Variants in MX2 observed in about 807,000 individuals in gnomAD.
MX2 encodes interferon-induced GTP-binding protein Mx2.
MX2 carries 51 observed loss-of-function variants against 74.0 expected under a neutral mutation model. That is an observed-to-expected ratio of 0.69 (90% CI 0.55 to 0.87). MX2 has a LOEUF of 0.87. Among genes scored for constraint, MX2 ranks in the 40% least tolerant of loss-of-function variants. MX2 has a pLI of 0.00. For missense variants in MX2, 832 were observed against 908.7 expected, an observed-to-expected ratio of 0.92 and a Z score of 1.09; for synonymous variants, 369 against 339.3, an observed-to-expected ratio of 1.09 and a Z score of -0.96.
chr21:41,374,936 C>T (rs2089379634), intron 1 of MX2, among the ~76,000 whole-genome samples: 2 of 152,358 alleles, frequency 1.3e-5, no homozygotes, highest in African/African-American at 4.8e-5. Context: ...CCCTCACACC[C>T]ACACACAATG....
At chr21:41,393,711 T>TG (rs34956736) in intron 6 of MX2, among the ~76,000 whole-genome samples, 18,804 of 152,128 alleles carry the variant, frequency 0.12, 1,954 homozygotes, top group African/African-American at 0.28. Context: ...CCCATCTACA[T>TG]GCCAGTGACT....
chr21:41,395,206 G>T (rs369908), intron 6 of MX2, among the ~76,000 whole-genome samples: 2 of 151,744 alleles, frequency 1.3e-5, no homozygotes, highest in African/African-American at 4.8e-5. Flanking sequence ...AAGAGGGAGC[G>T]GAGTGAGTCT....
chr21:41,376,880 C>T lies in MX2; in HGVS notation c.-27C>T, dbSNP rs1323028091. 6.2e-7 allele frequency: 1 copy of T among 1,609,142 alleles called. No homozygotes were observed. Among genetic ancestry groups the T allele is most frequent in the African/African-American group, 1.3e-5 (1 of 74,732 alleles). On this transcript the variant is annotated 5_prime_UTR_variant, in exon 2 of 14. Coordinates refer to ENST00000330714, the MANE Select transcript of MX2 (RefSeq NM_002463.2). ...AGGTGCCAAGTAGCAGAGAAAGCAT[C>T]CCCCAGCTCTGACAGGGAGACAGCA...
Position 41,382,544 on chromosome 21 carries a change from C to T in MX2, c.712C>T (p.Pro238Ser). 1 of 1,614,184 alleles carries T rather than the reference C, an allele frequency of 6.2e-7. No homozygotes were observed. The highest frequency in any genetic ancestry group is 8.5e-7 in the Non-Finnish European group (1 of 1,180,052). Residue 238 changes from proline (P) to serine (S), a missense_variant, in exon 5 of 14, where the codon CCC (proline) becomes TCC (serine). By Grantham distance (74) the Pro-to-Ser change is moderately conservative. Coordinates refer to ENST00000330714, the MANE Select transcript of MX2 (RefSeq NM_002463.2). ...CACCAGGGTGGCTGTGGACAACCAG[C>T]CCCGAGACATCGGACTGCAGGTGAG... ...GITRVAVDNQPRDIGLQIKAL... is the reference protein window; with the variant it reads ...GITRVAVDNQSRDIGLQIKAL...
Position 41,408,072 on chromosome 21 carries a change from A to G in MX2, c.1987A>G (p.Lys663Glu). The change falls in exon 14 of 14, where the codon AAA (lysine) becomes GAA (glutamate). Residue 663 changes from lysine to glutamate, a missense_variant. Coordinates refer to ENST00000330714, the MANE Select transcript of MX2 (RefSeq NM_002463.2). Reference protein sequence around the residue: ...MLRENGDSLQKAMMQILQEKN... With the variant: ...MLRENGDSLQEAMMQILQEKN... ...CCGAGAGAATGGTGACTCCTTGCAG[A>G]AAGCCATGATGCAGATACTACAGGA... 1.2e-6 allele frequency: 2 copies of G among 1,614,232 alleles called. No individual in the cohort carries two copies. Among genetic ancestry groups the G allele is most frequent in the Non-Finnish European group, 1.7e-6 (2 of 1,180,048 alleles).
At chr21:41,378,115 G>GCTGGGAAAGAC in intron 3 of MX2, 134 bp downstream of exon 3, 1 of 1,147,472 alleles carries the variant, frequency 8.7e-7, no homozygotes, top group Non-Finnish European at 1.2e-6. Context: ...CGCTGGGAGA[G>GCTGGGAAAGAC]AGGCCGCTGA....
rs979456855 is a variant in MX2, at chr21:41,388,868, A to G, written c.733-1697A>G. Among the ~76,000 whole-genome samples, 3 of 152,260 alleles carry G rather than the reference A, an allele frequency of 2.0e-5. No homozygotes were observed. The highest frequency in any genetic ancestry group is 6.5e-5 in the Admixed American group (1 of 15,292). ...TCTTTTTGCTTGTCATAACTCAGGT[A>G]AGGGGTAGGGTTTGCTAGTGGTTTG... is the stretch of plus-strand genomic sequence containing the variant. On this transcript the variant is annotated intron_variant, in intron 5 of 13. Transcript: ENST00000330714. The surrounding 1 kb of genome is among the most constrained non-coding windows in gnomAD (Gnocchi z 4.0).
intron 3 of MX2, among the ~76,000 whole-genome samples, 187 bp downstream of exon 3, chr21:41,378,168 C>CTG: frequency 5.0e-5 from 7 of 141,264 alleles, no homozygotes; most frequent in Admixed American, 1.4e-4. Flanking sequence ...GGGAGACAGG[C>CTG]CTCTGGGAGA....
At chr21:41,399,493 C>G (rs1038974650) in intron 10 of MX2, 156 bp downstream of exon 10, 52 of 764,844 alleles carry the variant, frequency 6.8e-5, no homozygotes, top group Non-Finnish European at 9.6e-5. Context: ...GAACAAAACC[C>G]AGAAATATGG....
chr21:41,405,629 G>A (rs898683022), intron 12 of MX2, among the ~76,000 whole-genome samples: 4 of 151,870 alleles, frequency 2.6e-5, no homozygotes, highest in African/African-American at 9.7e-5. Context: ...TTGGGGGGCA[G>A]GGGACACAAA....
At chr21:41,372,528 AT>A (rs369324238) in intron 1 of MX2, among the ~76,000 whole-genome samples, 15 of 151,430 alleles carry the variant, frequency 9.9e-5, no homozygotes, top group East Asian at 1.9e-4. Flanking sequence ...ATTTAAAGCT[AT>A]TTTTTTTTAA....
chr21:41,394,095 G>A lies in MX2; in HGVS notation c.872-1492G>A, dbSNP rs551327942. Among the ~76,000 whole-genome samples the A allele has an allele frequency of 3.2e-4, 48 of 152,238 alleles. 1 individual carries two copies. In the South Asian group the frequency reaches 4.8e-3, roughly 15 times the overall value. On this transcript the variant is annotated intron_variant, in intron 6 of 13. Coordinates refer to ENST00000330714, the MANE Select transcript of MX2 (RefSeq NM_002463.2). ...CTGCTCAAACATTCTCCTGCTGTTC[G>A]AGCACTCACCTTGCCCATGGCAGTG...
At chr21:41,403,228 T>G in intron 11 of MX2, 39 bp from the exon 12 acceptor site, 1 of 1,470,478 alleles carries the variant, frequency 6.8e-7, no homozygotes, top group Non-Finnish European at 9.5e-7. Flanking sequence ...ATTTTACTGA[T>G]GTTTTCTTCT....
chr21:41,386,153 G>A (rs767590217), intron 5 of MX2, among the ~76,000 whole-genome samples: 2 of 145,574 alleles, frequency 1.4e-5, no homozygotes, highest in Non-Finnish European at 3.0e-5. Flanking sequence ...CCGGGAGGCG[G>A]AGCTTGCAGT....
chr21:41,385,044 TGTGA>T (rs140280359), intron 5 of MX2, among the ~76,000 whole-genome samples: 3,334 of 152,124 alleles, frequency 0.022, 60 homozygotes, highest in Non-Finnish European at 0.031. Context: ...CTTCTGTGAG[TGTGA>T]GTGTGAGTGT....
intron 1 of MX2, among the ~76,000 whole-genome samples, chr21:41,369,857 C>T (rs1235998497): frequency 6.6e-6 from 1 of 151,864 alleles, no homozygotes; most frequent in Non-Finnish European, 1.5e-5. Context: ...CGCTCCCGCC[C>T]CGCCGTGGCT....
rs1053499209 is a variant in MX2, at chr21:41,395,664, C to T, written c.949C>T (p.Pro317Ser). The change falls in exon 7 of 14, where the codon CCC (proline) becomes TCC (serine). Residue 317 changes from proline to serine, a missense_variant. Coordinates refer to ENST00000330714, the MANE Select transcript of MX2 (RefSeq NM_002463.2). ...VMNVVRNLTY[P>S]LKKGYMIVKC... ...GAATGTGGTGCGGAACCTCACGTAC[C>T]CCCTCAAGAAGGGCTACATGATTGT... 3 of 1,614,012 alleles carry T rather than the reference C, an allele frequency of 1.9e-6. No homozygotes were observed. The highest frequency in any genetic ancestry group is 2.7e-5 in the African/African-American group (2 of 74,884).
Position 41,380,063 on chromosome 21 carries a change from C to T in MX2, c.489C>T (p.Pro163=), listed in dbSNP as rs1223395401. 2.5e-6 allele frequency: 4 copies of T among 1,613,900 alleles called. No individual in the cohort carries two copies. In the African/African-American group the frequency reaches 5.3e-5, roughly 22 times the overall value. ...TGGTGCTGAAACTGAAAAAGCAGCC[C>T]TGTGAGGCATGGGCCGGAAGGATCA... is the stretch of plus-strand genomic sequence containing the variant. ...CPLVLKLKKQ[P]CEAWAGRISY... The change falls in exon 4 of 14, where the codon CCC becomes CCT. Residue 163 remains proline (P), a synonymous_variant. Coordinates refer to ENST00000330714, the MANE Select transcript of MX2 (RefSeq NM_002463.2). The surrounding 1 kb of genome is among the most constrained non-coding windows in gnomAD (Gnocchi z 4.3).
intron 12 of MX2, among the ~76,000 whole-genome samples, chr21:41,405,684 C>T (rs1490286625): frequency 6.6e-6 from 1 of 150,412 alleles, no homozygotes; most frequent in East Asian, 2.0e-4. Context: ...TTCTCTGCTA[C>T]ATCACCTCTT....
Sources: allele counts gnomAD v4.1 joint callset (sites outside exome capture counted in the v4.1 genomes callset), GRCh38; gene constraint gnomAD v4.1.1; non-coding constraint Gnocchi (gnomAD v3.1); transcripts MANE v1.5; gene names NCBI Gene and HGNC (gene_info 2026-07-23, HGNC 2026-07-21).